The following DYNC1I1 variants were observed in gnomAD, a reference collection of about 807,000 sequenced individuals.
DYNC1I1 encodes the protein dynein cytoplasmic 1 intermediate chain 1.
In DYNC1I1, 43 loss-of-function variants were observed where a neutral mutation model predicts 86.6. That is an observed-to-expected ratio of 0.50 (90% CI 0.39 to 0.64). The LOEUF (loss-of-function observed/expected upper bound fraction) is 0.64. DYNC1I1 is among the 30% of genes least tolerant of loss of function. The pLI is 0.00. For missense variants in DYNC1I1, 604 were observed against 788.8 expected, an observed-to-expected ratio of 0.77 and a Z score of 2.81; for synonymous variants, 262 against 283.7, an observed-to-expected ratio of 0.92 and a Z score of 0.77.
intron 6 of DYNC1I1, among the ~76,000 whole-genome samples, chr7:95,967,361 T>C (rs1033130803): frequency 2.0e-5 from 3 of 152,156 alleles, no homozygotes; most frequent in Non-Finnish European, 4.4e-5. Context: ...GGGGGGTTCT[T>C]AGAATCAGGT....
intron 14 of DYNC1I1, among the ~76,000 whole-genome samples, chr7:96,062,561 T>C (rs1390590125): frequency 1.3e-5 from 2 of 152,190 alleles, no homozygotes; most frequent in Non-Finnish European, 2.9e-5. Context: ...ATCAGACATA[T>C]TCTTCTGATC....
chr7:96,098,552 A>G, downstream of DYNC1I1: 1 of 527,144 alleles, frequency 1.9e-6, no homozygotes, highest in Non-Finnish European at 2.4e-6. Context: ...TGAGCAGCCA[A>G]CCTGGCTGGA....
chr7:96,015,999 A>T (rs1794391922), intron 10 of DYNC1I1, among the ~76,000 whole-genome samples: 2 of 152,136 alleles, frequency 1.3e-5, no homozygotes. Context: ...TTTGTGCCTT[A>T]GACATAAGCA....
intron 6 of DYNC1I1, among the ~76,000 whole-genome samples, chr7:95,929,216 C>T (rs1791826624): frequency 1.3e-5 from 2 of 152,044 alleles, no homozygotes; most frequent in African/African-American, 4.8e-5. Flanking sequence ...CTAGAATATC[C>T]CTTTCCTTCA....
intron 14 of DYNC1I1, among the ~76,000 whole-genome samples, chr7:96,075,572 G>A (rs1031482841): frequency 5.3e-5 from 8 of 152,188 alleles, no homozygotes; most frequent in Non-Finnish European, 1.2e-4. Flanking sequence ...TTGGACTGGA[G>A]GTAGCAGCAG....
At chr7:95,958,562 T>TA (rs985896957) in intron 6 of DYNC1I1, among the ~76,000 whole-genome samples, 18 of 151,020 alleles carry the variant, frequency 1.2e-4, no homozygotes, top group East Asian at 5.8e-4. Context: ...CCCAATCTCT[T>TA]AAAAAAAAAG....
At chr7:95,973,305 C>T (rs1461247692) in intron 6 of DYNC1I1, among the ~76,000 whole-genome samples, 5 of 152,176 alleles carry the variant, frequency 3.3e-5, no homozygotes, top group South Asian at 4.1e-4. Flanking sequence ...GAGAAACAAA[C>T]CAGTCTCTTG....
At chr7:96,059,738 G>A (rs1308129698) in intron 14 of DYNC1I1, among the ~76,000 whole-genome samples, 1 of 152,180 alleles carries the variant, frequency 6.6e-6, no homozygotes, top group Non-Finnish European at 1.5e-5. Flanking sequence ...AGTTAGCCCT[G>A]TGAAGATGGA....
intron 14 of DYNC1I1, among the ~76,000 whole-genome samples, chr7:96,061,615 G>C (rs185802575): frequency 4.2e-4 from 64 of 151,682 alleles, no homozygotes; most frequent in African/African-American, 1.5e-3. Context: ...ATAGTGAGCC[G>C]TTCACCCCCA....
At chr7:95,870,946 G>T (rs889135197) in intron 6 of DYNC1I1, among the ~76,000 whole-genome samples, 11 of 152,162 alleles carry the variant, frequency 7.2e-5, no homozygotes, top group Non-Finnish European at 1.3e-4. Context: ...GGGTGAAGAG[G>T]ATGTTGGAAT....
intron 10 of DYNC1I1, among the ~76,000 whole-genome samples, chr7:96,021,979 T>G (rs2115918554): frequency 6.6e-6 from 1 of 152,272 alleles, no homozygotes; most frequent in South Asian, 2.1e-4. Context: ...GTGCACAAGT[T>G]TTTTGTGTAG....
chr7:95,919,863 T>C (rs1791565957), intron 6 of DYNC1I1, among the ~76,000 whole-genome samples: 1 of 152,226 alleles, frequency 6.6e-6, no homozygotes, highest in African/African-American at 2.4e-5. Context: ...AATAGCGTAT[T>C]ATTGGATTAT....
chr7:96,026,309 A>C (rs181091994), intron 10 of DYNC1I1, among the ~76,000 whole-genome samples: 1 of 152,228 alleles, frequency 6.6e-6, no homozygotes, highest in Admixed American at 6.5e-5. Context: ...GCTGTTTCTA[A>C]CTAGGAAGCC....
chr7:96,061,843 A>G (rs1055160502), intron 14 of DYNC1I1, among the ~76,000 whole-genome samples: 13 of 152,252 alleles, frequency 8.5e-5, no homozygotes, highest in Non-Finnish European at 1.5e-5. Flanking sequence ...ATTTTCGTCA[A>G]GTTCTATGGG....
chr7:95,973,205 G>C (rs1202353905), intron 6 of DYNC1I1, among the ~76,000 whole-genome samples: 1 of 152,158 alleles, frequency 6.6e-6, no homozygotes, highest in Non-Finnish European at 1.5e-5. Context: ...GGTTTCAACA[G>C]AAGTAATTCC....
intron 14 of DYNC1I1, among the ~76,000 whole-genome samples, chr7:96,040,331 A>C (rs1302176815): frequency 6.6e-6 from 1 of 152,208 alleles, no homozygotes; most frequent in Non-Finnish European, 1.5e-5. Context: ...ACTTGGAAGG[A>C]AGGCACAATA....
chr7:96,016,676 C>T (rs1301414722), intron 10 of DYNC1I1, among the ~76,000 whole-genome samples: 3 of 151,930 alleles, frequency 2.0e-5, no homozygotes, highest in Non-Finnish European at 2.9e-5. Context: ...AGCTGATGAA[C>T]GTTATTGCTT....
At chr7:96,092,847 A>G (rs968222327) in intron 16 of DYNC1I1, among the ~76,000 whole-genome samples, 9 of 152,172 alleles carry the variant, frequency 5.9e-5, no homozygotes, top group African/African-American at 2.2e-4. Flanking sequence ...AGAAGATTTA[A>G]AACAATCTTT....
At chr7:95,937,111 G>T (rs573912204) in intron 6 of DYNC1I1, among the ~76,000 whole-genome samples, 1 of 152,030 alleles carries the variant, frequency 6.6e-6, no homozygotes, top group Non-Finnish European at 1.5e-5. Context: ...CTTATATGTG[G>T]AATATATAAA....
Sources: allele counts gnomAD v4.1 joint callset (sites outside exome capture counted in the v4.1 genomes callset), GRCh38; gene constraint gnomAD v4.1.1; transcripts MANE v1.5; gene names NCBI Gene and HGNC (gene_info 2026-07-23, HGNC 2026-07-21).